Variants in CHRM3 observed in about 807,000 individuals in gnomAD.
The protein encoded by CHRM3 is cholinergic receptor muscarinic 3, also known as muscarinic acetylcholine receptor M3.
A neutral mutation model predicts 41.8 loss-of-function variants in CHRM3; 11 were observed. The observed-to-expected ratio is 0.26, with a 90% CI of 0.17 to 0.44. CHRM3 has a LOEUF of 0.44. CHRM3 is among the 20% of genes least tolerant of loss of function. The pLI is 1.00. For missense variants in CHRM3, 571 were observed against 745.4 expected, an observed-to-expected ratio of 0.77 and a Z score of 2.72; for synonymous variants, 297 against 301.4, an observed-to-expected ratio of 0.99 and a Z score of 0.15.
chr1:239,874,942 G>A (rs962154451), intron 6 of CHRM3, among the ~76,000 whole-genome samples: 5 of 151,754 alleles, frequency 3.3e-5, no homozygotes, highest in Non-Finnish European at 7.4e-5. Flanking sequence ...CAGGTGATCC[G>A]CCCACCTCAG....
intron 5 of CHRM3, among the ~76,000 whole-genome samples, chr1:239,775,813 T>C (rs1469638649): frequency 6.6e-6 from 1 of 152,178 alleles, no homozygotes; most frequent in Admixed American, 6.5e-5. Context: ...AGCTGAAGGC[T>C]TGGAACTGCT....
At chr1:239,898,315 T>G (rs1679183460) in intron 6 of CHRM3, 1 of 152,166 alleles carries the variant, frequency 6.6e-6, no homozygotes, top group Admixed American at 6.5e-5. Context: ...GTTCTCCGAG[T>G]CTGCTTTGCC....
chr1:239,513,491 GA>G (rs1669061517), intron 2 of CHRM3, among the ~76,000 whole-genome samples: 1 of 151,936 alleles, frequency 6.6e-6, no homozygotes, highest in Non-Finnish European at 1.5e-5. Context: ...TCTTATAGTT[GA>G]ATTTTAAGTG....
In CHRM3 at chr1:239,627,123, A is replaced by T. The variant is rs1333078904; in HGVS notation, c.-312-5101A>T. ...GGGGTGTTAAAGTCTCCCATTATTAATGTGTGGGAGTCTAAGTCTCTTTGT... is the reference window on the plus strand; with the variant it reads ...GGGGTGTTAAAGTCTCCCATTATTATTGTGTGGGAGTCTAAGTCTCTTTGT... On this transcript the variant is annotated intron_variant, in intron 3 of 6. Coordinates refer to ENST00000676153, the MANE Select transcript of CHRM3 (RefSeq NM_001375978.1). 2.6e-4 allele frequency among the ~76,000 whole-genome samples: 21 copies of T among 80,776 alleles called. No homozygotes were observed. In the East Asian group the frequency reaches 6.9e-3, roughly 26 times the overall value. The allele number at this position is 80,776 out of a possible 152,430, so 53.0% of individuals were successfully genotyped here. A position where few individuals can be genotyped will look rare whatever the true frequency, so the allele number is the denominator to read the frequency against.
At chr1:239,503,903 T>C (rs1178023266) in intron 2 of CHRM3, among the ~76,000 whole-genome samples, 6 of 152,058 alleles carry the variant, frequency 3.9e-5, no homozygotes, top group Admixed American at 3.9e-4. Flanking sequence ...TCTGGCCTTA[T>C]AAAAAATCAA....
Position 239,560,902 on chromosome 1 carries a change from C to T in CHRM3, c.-313+15153C>T, listed in dbSNP as rs369049246. On this transcript the variant is annotated intron_variant, in intron 3 of 6. Coordinates refer to ENST00000676153, the MANE Select transcript of CHRM3 (RefSeq NM_001375978.1). ...ACCTCCCCCAAACTTGTTTCTCCCC[C>T]ATCTGTCTCATCTCCCTTTCCCAGG... is the stretch of plus-strand genomic sequence containing the variant. 2.0e-5 allele frequency among the ~76,000 whole-genome samples: 3 copies of T among 152,068 alleles called. 1 individual carries two copies. Among genetic ancestry groups the T allele is most frequent in the East Asian group, 3.9e-4 (2 of 5,176 alleles).
chr1:239,833,157 C>T (rs1388271352), intron 6 of CHRM3, among the ~76,000 whole-genome samples: 1 of 152,210 alleles, frequency 6.6e-6, no homozygotes, highest in Non-Finnish European at 1.5e-5. Flanking sequence ...TTGAGGTCCA[C>T]CTCCCTTGTT....
At chr1:239,783,831 T>C (rs975878571) in intron 5 of CHRM3, among the ~76,000 whole-genome samples, 8 of 152,134 alleles carry the variant, frequency 5.3e-5, no homozygotes, top group Admixed American at 5.2e-4. Flanking sequence ...CGGTACTTGA[T>C]AGGTAGTTTT....
At chr1:239,828,211 T>C (rs1672613700) in intron 6 of CHRM3, among the ~76,000 whole-genome samples, 1 of 151,964 alleles carries the variant, frequency 6.6e-6, no homozygotes, top group Non-Finnish European at 1.5e-5. Context: ...TATAGACACA[T>C]ACATACATAC....
At chr1:239,839,726 G>T (rs1673622153) in intron 6 of CHRM3, among the ~76,000 whole-genome samples, 1 of 151,962 alleles carries the variant, frequency 6.6e-6, no homozygotes, top group Non-Finnish European at 1.5e-5. Context: ...AGAAGAAAGG[G>T]GAGAGTGACA....
intron 3 of CHRM3, among the ~76,000 whole-genome samples, chr1:239,583,904 G>T (rs532739155): frequency 6.6e-6 from 1 of 152,030 alleles, no homozygotes; most frequent in Admixed American, 6.6e-5. Flanking sequence ...ATCCTACCCT[G>T]CTGGCCAGTG....
At chr1:239,574,638 T>C (rs1662158661) in intron 3 of CHRM3, among the ~76,000 whole-genome samples, 1 of 152,194 alleles carries the variant, frequency 6.6e-6, no homozygotes. Context: ...TTTGAGGCAT[T>C]CTTTATAAGT....
intron 5 of CHRM3, among the ~76,000 whole-genome samples, chr1:239,775,210 AAAATC>A (rs1313342402): frequency 6.6e-6 from 1 of 152,216 alleles, no homozygotes; most frequent in Admixed American, 6.5e-5. Flanking sequence ...GAATTACTGA[AAAATC>A]AAGCAATAAT....
rs1204712780 is a variant in CHRM3, at chr1:239,545,758, T to G, written c.-313+9T>G. 6.6e-6 allele frequency: 1 copy of G among 152,158 alleles called. No homozygotes were observed. Among genetic ancestry groups the G allele is most frequent in the African/African-American group, 2.4e-5 (1 of 41,450 alleles). 9.4% of individuals were successfully genotyped at this position (152,158 alleles called of 1,614,324 possible). ...ACCAAGTCTCTTCACTAGTAGGTAT[T>G]TTTTTAATTAATATCATGTACACAG... On this transcript the variant is annotated intron_variant, in intron 3 of 6. Coordinates refer to ENST00000676153, the MANE Select transcript of CHRM3 (RefSeq NM_001375978.1).
At position 239,580,689 on chromosome 1, in the gene CHRM3, T is replaced by TTATATATA. The variant is rs1165930612; in HGVS notation, c.-313+34949_-313+34956dup. On this transcript the variant is annotated intron_variant, in intron 3 of 6. Coordinates refer to ENST00000676153, the MANE Select transcript of CHRM3 (RefSeq NM_001375978.1). ...GCCACTCAGGCTACTTTGCCCAATTTTATATATATATATATACACACACAC... is the reference window on the plus strand; with the variant it reads ...GCCACTCAGGCTACTTTGCCCAATTTTATATATATATATATATATATATACACACACAC... 0.012 allele frequency among the ~76,000 whole-genome samples: 760 copies of TTATATATA among 65,132 alleles called. 59 individuals are homozygous for TTATATATA. In the East Asian group the frequency reaches 0.16, roughly 14 times the overall value. 42.7% of individuals were successfully genotyped at this position (65,132 alleles called of 152,430 possible). A position where few individuals can be genotyped will look rare whatever the true frequency, so the allele number is the denominator to read the frequency against.
intron 5 of CHRM3, among the ~76,000 whole-genome samples, chr1:239,808,784 A>G (rs1212926716): frequency 6.6e-6 from 1 of 152,168 alleles, no homozygotes; most frequent in Non-Finnish European, 1.5e-5. Flanking sequence ...GTTTGTGAGA[A>G]TTAAATCAGC....
chr1:239,871,847 G>T (rs1353234520), intron 6 of CHRM3, among the ~76,000 whole-genome samples: 1 of 152,174 alleles, frequency 6.6e-6, no homozygotes, highest in Admixed American at 6.5e-5. Context: ...TTCCCAAAGA[G>T]TAGCCAAATA....
At chr1:239,534,243 T>C (rs1331687631) in intron 2 of CHRM3, among the ~76,000 whole-genome samples, 1 of 152,130 alleles carries the variant, frequency 6.6e-6, no homozygotes, top group Non-Finnish European at 1.5e-5. Flanking sequence ...CAAGAATTGC[T>C]TGAACCCGGG....
At chr1:239,712,710 G>T (rs1277640854) in intron 5 of CHRM3, among the ~76,000 whole-genome samples, 2 of 152,092 alleles carry the variant, frequency 1.3e-5, no homozygotes, top group African/African-American at 4.8e-5. Flanking sequence ...ACTGTATTTT[G>T]TAAACCCCAA....
Sources: allele counts gnomAD v4.1 joint callset (sites outside exome capture counted in the v4.1 genomes callset), GRCh38; gene constraint gnomAD v4.1.1; transcripts MANE v1.5; gene names NCBI Gene and HGNC (gene_info 2026-07-23, HGNC 2026-07-21).